The following PMFBP1 variants were observed in gnomAD, a reference collection of about 807,000 sequenced individuals.
PMFBP1 encodes the protein polyamine modulated factor 1 binding protein 1, also known as polyamine-modulated factor 1-binding protein 1.
In PMFBP1, 131 loss-of-function variants were observed where a neutral mutation model predicts 137.8. That is an observed-to-expected ratio of 0.95 (90% CI 0.82 to 1.10). The LOEUF is 1.10. Ranked by LOEUF, PMFBP1 falls within the 50% of genes least tolerant of loss-of-function variation. The pLI is 0.00. For synonymous variants in PMFBP1, 490 were observed against 450.4 expected (o/e 1.09, Z -1.11); for missense variants, 1,199 against 1,175.4 (o/e 1.02, Z -0.29).
intron 5 of PMFBP1, 67 bp downstream of exon 5, chr16:72,150,541 C>T: frequency 2.0e-6 from 3 of 1,486,162 alleles, no homozygotes; most frequent in Non-Finnish European, 2.8e-6. Flanking sequence ...GAGGCTGGGA[C>T]TGTCTGAGGG....
At chr16:72,121,504 C>T (rs753789757) in intron 19 of PMFBP1, among the ~76,000 whole-genome samples, 1 of 152,256 alleles carries the variant, frequency 6.6e-6, no homozygotes, top group Non-Finnish European at 1.5e-5. Flanking sequence ...ATAGGGCTTT[C>T]CACCTGGGGT....
intron 5 of PMFBP1, among the ~76,000 whole-genome samples, chr16:72,141,921 C>T (rs3902135): frequency 0.29 from 43,349 of 150,858 alleles, 6,537 homozygotes; most frequent in South Asian, 0.41. Context: ...TTTTAAATGT[C>T]TTTCCCTAGA....
chr16:72,139,698 G>A (rs1170044297), intron 6 of PMFBP1, among the ~76,000 whole-genome samples: 1 of 152,128 alleles, frequency 6.6e-6, no homozygotes, highest in Admixed American at 6.6e-5. Context: ...GGCTGTGATG[G>A]AGAGATATAC....
At position 72,140,511 on chromosome 16, in the gene PMFBP1, C is replaced by A; in HGVS notation, c.708G>T (p.Gln236His). The stretch of plus-strand genomic sequence containing the variant: ...CTTCAGACAGTCGTTTCTGAGTCTC[C>A]TGATGCTCTTGAATCATGCAAGGAG... The part of the protein sequence containing the change: ...YTSPCMIQEH[Q>H]ETQKRLSEVW... The change falls in exon 6 of 21, where the codon CAG becomes CAT. Residue 236 changes from glutamine to histidine, a missense_variant. Transcript: ENST00000237353. 6.2e-7 allele frequency: 1 copy of A among 1,613,292 alleles called. No individual in the cohort carries two copies. Among genetic ancestry groups the A allele is most frequent in the Non-Finnish European group, 8.5e-7 (1 of 1,179,270 alleles).
At chr16:72,225,934 G>GACACACACACACACACACACACAC in the PMFBP1 span, among the ~76,000 whole-genome samples, 9 of 140,666 alleles carry the variant, frequency 6.4e-5, no homozygotes, top group African/African-American at 2.5e-4. Flanking sequence ...CACACTCACA[G>GACACACACACACACACACACACAC]ACACACACAC....
At chr16:72,209,247 G>A in the PMFBP1 span, among the ~76,000 whole-genome samples, 1 of 152,182 alleles carries the variant, frequency 6.6e-6, no homozygotes, top group African/African-American at 2.4e-5. Flanking sequence ...ATCCCAGGTA[G>A]GTTGGCTTTG....
At chr16:72,199,623 C>T in the PMFBP1 span, among the ~76,000 whole-genome samples, 3 of 134,274 alleles carry the variant, frequency 2.2e-5, no homozygotes, top group Non-Finnish European at 4.6e-5. Context: ...CATTGCACTC[C>T]AGCCTGGAAG....
At chr16:72,125,907 CCGCTA>C in intron 15 of PMFBP1, 56 bp downstream of exon 15, 3 of 1,573,498 alleles carry the variant, frequency 1.9e-6, no homozygotes, top group Non-Finnish European at 2.6e-6. Flanking sequence ...TGTGCTTCTC[CCGCTA>C]CCTTGACGTT....
intron 7 of PMFBP1, among the ~76,000 whole-genome samples, chr16:72,138,912 CAAA>C: frequency 1.7e-5 from 2 of 120,146 alleles, no homozygotes; most frequent in East Asian, 2.5e-4. Context: ...ACAGAGTTCT[CAAA>C]AAAAAAAAAA....
At position 72,121,519 on chromosome 16, in the gene PMFBP1, C is replaced by A. The variant is rs147222952; in HGVS notation, c.2768+1395G>T. Among the ~76,000 whole-genome samples, 7 of 152,346 alleles carry A rather than the reference C, an allele frequency of 4.6e-5. No homozygotes were observed. In the East Asian group the frequency reaches 1.2e-3, roughly 25 times the overall value. ...ATAGGGCTTTCCACCTGGGGTGCCA[C>A]GAATGGATTCCAGGTGTTTGGAGAT... On this transcript the variant is annotated intron_variant, in intron 19 of 20. Coordinates refer to ENST00000237353, the MANE Select transcript of PMFBP1 (RefSeq NM_031293.3).
At chr16:72,223,029 A>G in the PMFBP1 span, among the ~76,000 whole-genome samples, 1 of 152,186 alleles carries the variant, frequency 6.6e-6, no homozygotes, top group Admixed American at 6.5e-5. Context: ...CCAGCTTGTC[A>G]TGACACACAG....
chr16:72,214,774 G>C, the PMFBP1 span, among the ~76,000 whole-genome samples: 1 of 152,118 alleles, frequency 6.6e-6, no homozygotes, highest in Non-Finnish European at 1.5e-5. Flanking sequence ...AGAGATGTCA[G>C]CAGGTACATC....
the PMFBP1 span, among the ~76,000 whole-genome samples, chr16:72,229,670 G>A: frequency 4.6e-5 from 7 of 151,956 alleles, no homozygotes; most frequent in African/African-American, 1.5e-4. Flanking sequence ...ATAAATGTCT[G>A]CTCATGTCCT....
At chr16:72,230,976 G>C in the PMFBP1 span, among the ~76,000 whole-genome samples, 81 of 152,310 alleles carry the variant, frequency 5.3e-4, no homozygotes, top group Non-Finnish European at 7.2e-4. Context: ...CATAGGTTAA[G>C]ACATAATCAG....
At chr16:72,230,030 C>T in the PMFBP1 span, among the ~76,000 whole-genome samples, 1 of 152,148 alleles carries the variant, frequency 6.6e-6, no homozygotes, top group East Asian at 1.9e-4. Context: ...TTCTCCGAAC[C>T]TATTTTCTCA....
At chr16:72,128,359 A>G in intron 14 of PMFBP1, 1 of 1,332,808 alleles carries the variant, frequency 7.5e-7, no homozygotes, top group East Asian at 3.4e-5. Flanking sequence ...ATTGCCCCCC[A>G]AAATGGATTC....
the PMFBP1 span, among the ~76,000 whole-genome samples, chr16:72,226,681 C>T: frequency 6.6e-6 from 1 of 152,056 alleles, no homozygotes; most frequent in Non-Finnish European, 1.5e-5. Flanking sequence ...TATTTGATAA[C>T]CGGTACATAA....
the PMFBP1 span, among the ~76,000 whole-genome samples, chr16:72,248,356 C>T: frequency 6.6e-6 from 1 of 152,116 alleles, no homozygotes; most frequent in African/African-American, 2.4e-5. Flanking sequence ...ATATGACTAC[C>T]AGCTGTCGCT....
intron 5 of PMFBP1, among the ~76,000 whole-genome samples, chr16:72,147,675 C>T (rs1250369226): frequency 6.6e-6 from 1 of 151,922 alleles, no homozygotes; most frequent in Non-Finnish European, 1.5e-5. Flanking sequence ...AACAAATTTA[C>T]AAGAAAAAAA....
Sources: allele counts gnomAD v4.1 joint callset (sites outside exome capture counted in the v4.1 genomes callset), GRCh38; gene constraint gnomAD v4.1.1; transcripts MANE v1.5; gene names NCBI Gene and HGNC (gene_info 2026-07-23, HGNC 2026-07-21).